The following CDH18 variants were observed in gnomAD, a reference collection of about 807,000 sequenced individuals.
CDH18 encodes cadherin-18.
A neutral mutation model predicts 67.9 loss-of-function variants in CDH18; 31 were observed. That is an observed-to-expected ratio of 0.46 (90% CI 0.34 to 0.62). CDH18 has a LOEUF of 0.62. Among genes scored for constraint, CDH18 ranks in the 20% least tolerant of loss-of-function variants. CDH18 has a pLI of 0.01. For missense variants in CDH18, 890 were observed against 975.5 expected (o/e 0.91, Z 1.17); for synonymous variants, 362 against 347.2 (o/e 1.04, Z -0.48).
intron 2 of CDH18, among the ~76,000 whole-genome samples, chr5:20,226,318 G>A (rs948175510): frequency 1.3e-5 from 2 of 152,054 alleles, no homozygotes; most frequent in African/African-American, 4.8e-5. Context: ...TGTCATGAAA[G>A]AGCCAAATTA....
chr5:19,472,742 T>A lies in CDH18; in HGVS notation c.*484A>T, dbSNP rs191378277. On this transcript the variant is annotated 3_prime_UTR_variant, in exon 13 of 13. Coordinates refer to ENST00000382275, the MANE Select transcript of CDH18 (RefSeq NM_004934.5). ...CACAAGACAAGGCTAATGAGATCTG[T>A]TATAATAACAGAGTGTGGTTCTCAA... Among the ~76,000 whole-genome samples the A allele has an allele frequency of 1.8e-3, 274 of 152,218 alleles. 1 individual carries two copies. The highest frequency in any genetic ancestry group is 3.1e-3 in the Non-Finnish European group (209 of 68,004).
intron 2 of CDH18, among the ~76,000 whole-genome samples, chr5:19,851,973 T>G (rs1297550017): frequency 1.3e-5 from 2 of 152,200 alleles, no homozygotes. Flanking sequence ...AGCATTGTTT[T>G]GTGTACGTGG....
intron 1 of CDH18, among the ~76,000 whole-genome samples, chr5:20,258,925 C>G (rs1744443494): frequency 6.6e-6 from 1 of 152,100 alleles, no homozygotes; most frequent in Non-Finnish European, 1.5e-5. Context: ...TTGATTTTTG[C>G]TAGTGAAGCC....
At position 19,787,971 on chromosome 5, in the gene CDH18, T is replaced by C. The variant is rs537738355; in HGVS notation, c.229-40735A>G. Among the ~76,000 whole-genome samples the C allele has an allele frequency of 3.9e-5, 6 of 152,202 alleles. No individual in the cohort carries two copies. The East Asian group carries it at 1.2e-3, about 29-fold the overall frequency. ...AAAAATAATAGCACCTATTAATATT[T>C]ACCAGATTGTGGAAAGTATTCTCCC... On this transcript the variant is annotated intron_variant, in intron 3 of 12. Transcript: ENST00000382275.
chr5:20,081,374 C>G (rs1357439529), intron 2 of CDH18, among the ~76,000 whole-genome samples: 2 of 152,164 alleles, frequency 1.3e-5, no homozygotes, highest in Admixed American at 6.5e-5. Flanking sequence ...GGAGACTAAA[C>G]TAGTTCAGCC....
chr5:20,456,969 C>G (rs1750878351), intron 1 of CDH18, among the ~76,000 whole-genome samples: 1 of 152,130 alleles, frequency 6.6e-6, no homozygotes, highest in Non-Finnish European at 1.5e-5. Context: ...GAGTTCCACA[C>G]AATTATGTGT....
chr5:20,039,548 C>G (rs1316638077), intron 2 of CDH18, among the ~76,000 whole-genome samples: 1 of 152,080 alleles, frequency 6.6e-6, no homozygotes, highest in Non-Finnish European at 1.5e-5. Context: ...TGCCACACAT[C>G]TACAATGATC....
At chr5:20,279,699 C>CAAAAAAAAAAAAAAAAAAAAAAAAAAAAA (rs1189257278) in intron 1 of CDH18, among the ~76,000 whole-genome samples, 1 of 13,594 alleles carries the variant, frequency 7.4e-5, no homozygotes, top group Non-Finnish European at 1.3e-4. Flanking sequence ...AGCTCTGTCT[C>CAAAAAAAAAAAAAAAAAAAAAAAAAAAAA]AAAAAAAAAA....
At chr5:19,610,073 T>C (rs1748695968) in intron 6 of CDH18, among the ~76,000 whole-genome samples, 1 of 151,976 alleles carries the variant, frequency 6.6e-6, no homozygotes, top group Non-Finnish European at 1.5e-5. Flanking sequence ...TCAAATGGAG[T>C]GCGAAATAAA....
rs111800195 is a variant in CDH18 at position 19,590,972 on chromosome 5, C to G, written c.999+85G>C. On this transcript the variant is annotated intron_variant, in intron 7 of 12. Transcript: ENST00000382275. ...TTTTATCATTTTAATGGCCTGACAG[C>G]GTGGATTATTCATGCCTCTGCCAAA... 4.3e-4 allele frequency: 298 copies of G among 689,198 alleles called. 1 individual carries two copies. In the African/African-American group the frequency reaches 4.7e-3, roughly 11 times the overall value. 42.7% of individuals were successfully genotyped at this position (689,198 alleles called of 1,614,324 possible). A position where few individuals can be genotyped will look rare whatever the true frequency, so the allele number is the denominator to read the frequency against.
At chr5:20,296,281 T>G (rs1472992890) in intron 1 of CDH18, among the ~76,000 whole-genome samples, 1 of 147,764 alleles carries the variant, frequency 6.8e-6, no homozygotes, top group Non-Finnish European at 1.5e-5. Context: ...TGAGAGGGAG[T>G]CTCACTCTGT....
intron 1 of CDH18, among the ~76,000 whole-genome samples, chr5:20,336,648 G>A (rs771116694): frequency 3.7e-5 from 5 of 136,168 alleles, no homozygotes; most frequent in Non-Finnish European, 7.8e-5. Flanking sequence ...GCGTGAACCC[G>A]GGAGGCATAG....
rs1183655596 is a variant in CDH18, at chr5:19,483,481, T to C, written c.1702A>G (p.Ile568Val). The change falls in exon 12 of 13, where the codon ATT becomes GTT. Residue 568 changes from isoleucine (I) to valine (V), a missense_variant. By Grantham distance (29) the Ile-to-Val change is conservative. Transcript: ENST00000382275. ...GGGATTCCACCATCAGAGATCATAA[T>C]GGGCAGATAATACACATCCTGAACA... ...RTVQDVYYLP[I>V]MISDGGIPSL... 2.5e-6 allele frequency: 4 copies of C among 1,614,036 alleles called. No homozygotes were observed. The highest frequency in any genetic ancestry group is 3.4e-6 in the Non-Finnish European group (4 of 1,180,028).
At chr5:19,785,288 T>A (rs1423702829) in intron 3 of CDH18, among the ~76,000 whole-genome samples, 1 of 151,922 alleles carries the variant, frequency 6.6e-6, no homozygotes, top group Non-Finnish European at 1.5e-5. Context: ...CACATAATAT[T>A]TTTCAGGTTG....
In CDH18 at chr5:19,722,455, A is replaced by G. The variant is rs915785414; in HGVS notation, c.524-989T>C. ...ATGAAAATGGATTGTAAATTCATTT[A>G]TAACATTTAAAATACTATATTTTGA... On this transcript the variant is annotated intron_variant, in intron 4 of 12. Coordinates refer to ENST00000382275, the MANE Select transcript of CDH18 (RefSeq NM_004934.5). Among the ~76,000 whole-genome samples, 2 of 151,254 alleles carry G rather than the reference A, an allele frequency of 1.3e-5. 1 individual carries two copies. Among genetic ancestry groups the G allele is most frequent in the South Asian group, 4.2e-4 (2 of 4,752 alleles).
intron 2 of CDH18, among the ~76,000 whole-genome samples, chr5:19,995,186 C>T (rs571668252): frequency 1.9e-4 from 29 of 152,140 alleles, no homozygotes; most frequent in African/African-American, 7.0e-4. Flanking sequence ...CTTGGACACA[C>T]TTTGAAGTAC....
chr5:20,498,771 C>A (rs192038174), intron 1 of CDH18, among the ~76,000 whole-genome samples: 1 of 151,830 alleles, frequency 6.6e-6, no homozygotes, highest in African/African-American at 2.4e-5. Flanking sequence ...TGTAATAATA[C>A]GTGTCTTATT....
chr5:19,796,281 A>C (rs1357063505), intron 3 of CDH18, among the ~76,000 whole-genome samples: 2 of 152,138 alleles, frequency 1.3e-5, no homozygotes. Context: ...TAACATAATT[A>C]ATCCTTTGAA....
chr5:19,890,846 T>C (rs1788716866), intron 2 of CDH18, among the ~76,000 whole-genome samples: 2 of 152,128 alleles, frequency 1.3e-5, no homozygotes, highest in Non-Finnish European at 2.9e-5. Context: ...TAGGTTGCAA[T>C]ACTTTTTCCA....
Sources: gnomAD v4.1 joint callset for allele counts (sites outside exome capture counted in the v4.1 genomes callset) on GRCh38, gnomAD v4.1.1 for gene constraint, MANE v1.5 for transcripts, NCBI Gene and HGNC (gene_info 2026-07-23, HGNC 2026-07-21) for gene names.